The following ST14 variants were observed in gnomAD, a reference collection of about 807,000 sequenced individuals.
The protein encoded by ST14 is ST14 transmembrane serine protease matriptase, also known as suppressor of tumorigenicity 14 protein.
A neutral mutation model predicts 96.5 loss-of-function variants in ST14; 40 were observed. That is an observed-to-expected ratio of 0.41 (90% CI 0.32 to 0.54). ST14 has a LOEUF of 0.54. ST14 is among the 20% of genes least tolerant of loss of function. The pLI, the probability that ST14 is intolerant of heterozygous loss-of-function variation, is 0.17. For synonymous variants in ST14, 506 were observed against 492.1 expected (o/e 1.03, Z -0.37); for missense variants, 1,066 against 1,188.9 (o/e 0.90, Z 1.52).
At position 130,198,376 on chromosome 11, in the gene ST14, A is replaced by T. The variant is rs1953390536; in HGVS notation, c.1528A>T (p.Ser510Cys). ...CAAGCCCCTCTTCTGGGTCTGCGAC[A>T]GTGTGAACGACTGCGGAGACAACAG... is the stretch of plus-strand genomic sequence containing the variant. ...FCKPLFWVCDSVNDCGDNSDE... is the reference protein window; with the variant it reads ...FCKPLFWVCDCVNDCGDNSDE... Residue 510 changes from serine (S) to cysteine (C), a missense_variant, in exon 13 of 19, where the codon AGT becomes TGT. Transcript: ENST00000278742. The T allele has an allele frequency of 6.2e-7, 1 of 1,611,664 alleles. No homozygotes were observed.
chr11:130,208,666 G>A lies in ST14; in HGVS notation c.2251G>A (p.Gly751Arg). The change falls in exon 17 of 19, where the codon GGA becomes AGA. Residue 751 changes from glycine (G) to arginine (R), a missense_variant. Gly to Arg is a moderately radical substitution (Grantham distance 125, BLOSUM62 -2). Coordinates refer to ENST00000278742, the MANE Select transcript of ST14 (RefSeq NM_021978.4). ...AGKAIWVTGWGHTQYGGTGAL... is the reference protein window; with the variant it reads ...AGKAIWVTGWRHTQYGGTGAL... ...CAAGGCCATCTGGGTCACGGGCTGG[G>A]GACACACCCAGTATGGAGGTAAGCT... is the stretch of plus-strand genomic sequence containing the variant. The A allele has an allele frequency of 6.2e-7, 1 of 1,613,660 alleles. No homozygotes were observed. The highest frequency in any genetic ancestry group is 8.5e-7 in the Non-Finnish European group (1 of 1,179,832).
Position 130,199,038 on chromosome 11 carries a change from C to T in ST14, c.1776C>T (p.Asp592=). The change falls in exon 15 of 19, where the codon GAC becomes GAT. Residue 592 remains aspartate, a synonymous_variant. Transcript: ENST00000278742. The part of the protein sequence containing the change: ...KGNPECDGKE[D]CSDGSDEKDC... ...ACCCTGAGTGTGACGGGAAGGAGGA[C>T]TGTAGCGACGGCTCAGATGAGAAGG... 1 of 1,614,022 alleles carries T rather than the reference C, an allele frequency of 6.2e-7. No homozygotes were observed. The highest frequency in any genetic ancestry group is 2.2e-5 in the East Asian group (1 of 44,870).
At chr11:130,206,198 C>G (rs977903283) in intron 16 of ST14, among the ~76,000 whole-genome samples, 1 of 152,200 alleles carries the variant, frequency 6.6e-6, no homozygotes, top group African/African-American at 2.4e-5. Context: ...GTTTTCCCGA[C>G]TGTGTTTTCA....
chr11:130,179,687 A>G lies in ST14; in HGVS notation c.82-8427A>G, dbSNP rs569339784. On this transcript the variant is annotated intron_variant, in intron 1 of 18. Coordinates refer to ENST00000278742, the MANE Select transcript of ST14 (RefSeq NM_021978.4). ...GAGACAGGTCCCTTTTATGAACAGC[A>G]GCCTGATGAAGAGGCCTTCCTGCAA... Among the ~76,000 whole-genome samples the G allele has an allele frequency of 1.9e-4, 29 of 152,326 alleles. No homozygotes were observed. In the South Asian group the frequency reaches 5.8e-3, roughly 30 times the overall value.
intron 1 of ST14, among the ~76,000 whole-genome samples, chr11:130,168,969 G>A (rs1005417604): frequency 1.3e-5 from 2 of 151,632 alleles, no homozygotes; most frequent in African/African-American, 4.8e-5. Flanking sequence ...ATATGACTCA[G>A]CACTGAAAAG....
At position 130,196,707 on chromosome 11, in the gene ST14, G is replaced by A; in HGVS notation, c.1354+7G>A. On this transcript the variant is annotated splice_region_variant and intron_variant, in intron 11 of 18. Transcript: ENST00000278742. ...TCCTACGACTCCAGTGACCGTGAGTGAACATTGTTGGGAGGAGGGCTGGCG... is the reference window on the plus strand; with the variant it reads ...TCCTACGACTCCAGTGACCGTGAGTAAACATTGTTGGGAGGAGGGCTGGCG... 6.2e-7 allele frequency: 1 copy of A among 1,614,204 alleles called. No homozygotes were observed. Among genetic ancestry groups the A allele is most frequent in the Non-Finnish European group, 8.5e-7 (1 of 1,180,048 alleles).
intron 1 of ST14, among the ~76,000 whole-genome samples, chr11:130,171,464 T>G (rs1411350259): frequency 6.6e-6 from 1 of 152,170 alleles, no homozygotes; most frequent in Non-Finnish European, 1.5e-5. Flanking sequence ...AGCTCTCTCT[T>G]CAGATCCTGG....
intron 16 of ST14, among the ~76,000 whole-genome samples, chr11:130,205,418 G>A (rs192400736): frequency 7.0e-4 from 106 of 152,100 alleles, no homozygotes; most frequent in Non-Finnish European, 9.7e-4. Flanking sequence ...GTGAGCCACC[G>A]CACCTGGCTG....
At chr11:130,189,154 T>C (rs549817908) in intron 4 of ST14, among the ~76,000 whole-genome samples, 65 of 152,356 alleles carry the variant, frequency 4.3e-4, no homozygotes, top group Middle Eastern at 3.4e-3. Flanking sequence ...TGTGATGAGC[T>C]GCCCAAAGGC....
chr11:130,202,250 A>G (rs1340330436), intron 16 of ST14, among the ~76,000 whole-genome samples: 1 of 152,174 alleles, frequency 6.6e-6, no homozygotes, highest in Non-Finnish European at 1.5e-5. Flanking sequence ...GTTGATCATC[A>G]GTCATGCTTC....
chr11:130,172,280 A>G (rs1213265896), intron 1 of ST14, among the ~76,000 whole-genome samples: 1 of 151,162 alleles, frequency 6.6e-6, no homozygotes, highest in African/African-American at 2.4e-5. Context: ...TTTTTAAAAA[A>G]TTTTTGTAGA....
intron 16 of ST14, among the ~76,000 whole-genome samples, chr11:130,203,961 G>T (rs114479614): frequency 1.3e-5 from 2 of 151,948 alleles, no homozygotes; most frequent in African/African-American, 4.8e-5. Context: ...GGCCACCTTT[G>T]TTCTCTTTAA....
chr11:130,174,083 A>G (rs7123795), intron 1 of ST14, among the ~76,000 whole-genome samples: 3,337 of 152,328 alleles, frequency 0.022, 121 homozygotes, highest in African/African-American at 0.075. Context: ...CCTCTGGATC[A>G]TTCTTTAAGA....
intron 1 of ST14, among the ~76,000 whole-genome samples, chr11:130,175,536 T>G (rs1446304799): frequency 7.8e-6 from 1 of 128,454 alleles, no homozygotes; most frequent in Non-Finnish European, 1.7e-5. Context: ...TGTGCCACCA[T>G]GCCCGGCTAA....
At chr11:130,203,735 C>A (rs113207216) in intron 16 of ST14, among the ~76,000 whole-genome samples, 2 of 152,158 alleles carry the variant, frequency 1.3e-5, no homozygotes, top group African/African-American at 4.8e-5. Context: ...TCACTGCAAC[C>A]TCCGCCTCCC....
intron 11 of ST14, 132 bp from the exon 12 acceptor site, chr11:130,197,709 C>A: frequency 1.4e-6 from 1 of 739,836 alleles, no homozygotes; most frequent in Non-Finnish European, 2.2e-6. Context: ...TGGGTAACCC[C>A]TGCCCTGGGC....
At chr11:130,168,298 C>T (rs1280094447) in intron 1 of ST14, among the ~76,000 whole-genome samples, 7 of 152,162 alleles carry the variant, frequency 4.6e-5, no homozygotes, top group African/African-American at 1.2e-4. Flanking sequence ...ATTCTGGAAA[C>T]GGTGTCTTCA....
At position 130,189,735 on chromosome 11, in the gene ST14, C is replaced by G; in HGVS notation, c.441-4C>G. 6.2e-7 allele frequency: 1 copy of G among 1,611,434 alleles called. No individual in the cohort carries two copies. On this transcript the variant is annotated splice_polypyrimidine_tract_variant and splice_region_variant and intron_variant, in intron 4 of 18. Transcript: ENST00000278742. ...TCCGCCTCAGGCTCCCGCTCTCTCC[C>G]CAGCGAGGGCAGCGTCATCGCCTAC...
chr11:130,160,693 C>T (rs1351252395), intron 1 of ST14, among the ~76,000 whole-genome samples: 1 of 152,140 alleles, frequency 6.6e-6, no homozygotes, highest in African/African-American at 2.4e-5. Context: ...TGCGAAGTAC[C>T]GAAACAGGAA....
Sources: gnomAD v4.1 joint callset for allele counts (sites outside exome capture counted in the v4.1 genomes callset) on GRCh38, gnomAD v4.1.1 for gene constraint, MANE v1.5 for transcripts, NCBI Gene and HGNC (gene_info 2026-07-23, HGNC 2026-07-21) for gene names.